CALN1: variants seen among roughly 807,000 people sequenced by gnomAD.
CALN1 encodes calcium-binding protein 8.
A neutral mutation model predicts 30.6 loss-of-function variants in CALN1; 17 were observed. That is an observed-to-expected ratio of 0.56 (90% CI 0.38 to 0.83). CALN1 has a LOEUF of 0.83. Among genes scored for constraint, CALN1 ranks in the 40% least tolerant of loss-of-function variants. The pLI, the probability that CALN1 is intolerant of heterozygous loss-of-function variation, is 0.00. For missense variants in CALN1, 291 were observed against 354.9 expected (o/e 0.82, Z 1.45); for synonymous variants, 156 against 131.4 (o/e 1.19, Z -1.28).
intron 1 of CALN1, among the ~76,000 whole-genome samples, chr7:72,410,959 T>C (rs1203734594): frequency 6.6e-6 from 1 of 152,126 alleles, no homozygotes; most frequent in African/African-American, 2.4e-5. Flanking sequence ...AGAAATAAAG[T>C]TATTTTAAGG....
chr7:72,443,407 T>C (rs921631213), intron 1 of CALN1, among the ~76,000 whole-genome samples: 1 of 152,170 alleles, frequency 6.6e-6, no homozygotes, highest in Non-Finnish European at 1.5e-5. Flanking sequence ...CAAAATGAAG[T>C]GCCCGCCTTT....
chr7:72,059,963 G>A (rs1803534304), intron 4 of CALN1, among the ~76,000 whole-genome samples: 1 of 101,414 alleles, frequency 9.9e-6, no homozygotes, highest in South Asian at 3.8e-4. Context: ...GTGATTTGGA[G>A]AAGACCTGAA....
intron 3 of CALN1, among the ~76,000 whole-genome samples, chr7:72,148,032 G>T (rs1275046112): frequency 2.0e-5 from 3 of 147,950 alleles, no homozygotes; most frequent in Admixed American, 6.8e-5. Flanking sequence ...CATGGCACAT[G>T]TATACATATG....
intron 5 of CALN1, among the ~76,000 whole-genome samples, chr7:71,861,754 G>C (rs1791290009): frequency 7.2e-6 from 1 of 139,858 alleles, no homozygotes; most frequent in African/African-American, 2.6e-5. Context: ...ACTCCAGCAT[G>C]GGTGAAAGAG....
At chr7:71,814,178 T>A (rs1284477094) in intron 5 of CALN1, among the ~76,000 whole-genome samples, 5 of 152,250 alleles carry the variant, frequency 3.3e-5, no homozygotes, top group Non-Finnish European at 7.4e-5. Flanking sequence ...TCCAACAGGG[T>A]TTCAGAACTG....
chr7:72,232,800 CAT>C (rs755167027), intron 3 of CALN1, among the ~76,000 whole-genome samples: 8 of 152,242 alleles, frequency 5.3e-5, no homozygotes, highest in Non-Finnish European at 1.0e-4. Context: ...GTTTAGGAAA[CAT>C]ATGATATATT....
chr7:72,352,214 T>C (rs892665276), intron 2 of CALN1, among the ~76,000 whole-genome samples: 7 of 151,110 alleles, frequency 4.6e-5, no homozygotes, highest in African/African-American at 7.3e-5. Flanking sequence ...TTTAAAGTTA[T>C]CCCAACTCTA....
intron 3 of CALN1, among the ~76,000 whole-genome samples, chr7:72,140,551 A>T (rs564821172): frequency 6.6e-6 from 1 of 152,350 alleles, no homozygotes; most frequent in East Asian, 1.9e-4. Context: ...TCAAAGGAAG[A>T]CAAGGGCAGA....
intron 3 of CALN1, among the ~76,000 whole-genome samples, chr7:72,248,302 A>G (rs1395419143): frequency 6.6e-6 from 1 of 152,086 alleles, no homozygotes; most frequent in Non-Finnish European, 1.5e-5. Flanking sequence ...TTTAGTAGCA[A>G]TGGGATTTCA....
At chr7:72,367,807 C>T (rs1803963302) in intron 2 of CALN1, among the ~76,000 whole-genome samples, 1 of 152,146 alleles carries the variant, frequency 6.6e-6, no homozygotes, top group Non-Finnish European at 1.5e-5. Flanking sequence ...TGCACTCCAG[C>T]CCAGGTGACA....
chr7:72,224,902 C>G (rs1793560129), intron 3 of CALN1, among the ~76,000 whole-genome samples: 3 of 151,782 alleles, frequency 2.0e-5, no homozygotes, highest in Non-Finnish European at 2.9e-5. Context: ...TCCTGGCTAA[C>G]ATGGTGAAAC....
intron 3 of CALN1, among the ~76,000 whole-genome samples, chr7:72,256,675 T>C (rs942000105): frequency 6.6e-6 from 1 of 151,980 alleles, no homozygotes; most frequent in Non-Finnish European, 1.5e-5. Flanking sequence ...GGCACCATCA[T>C]AGCTCACTGC....
chr7:72,191,621 A>G (rs1244677119), intron 3 of CALN1, among the ~76,000 whole-genome samples: 1 of 151,588 alleles, frequency 6.6e-6, no homozygotes, highest in African/African-American at 2.4e-5. Flanking sequence ...CAGAGAGAAC[A>G]TGGAATGGAG....
chr7:72,303,960 T>C (rs560220267), intron 2 of CALN1, among the ~76,000 whole-genome samples: 27 of 152,214 alleles, frequency 1.8e-4, no homozygotes, highest in Non-Finnish European at 3.1e-4. Flanking sequence ...ATAGTAATCA[T>C]ATTCACAAAA....
chr7:72,178,418 A>G (rs1285854524), intron 3 of CALN1, among the ~76,000 whole-genome samples: 3 of 152,156 alleles, frequency 2.0e-5, no homozygotes, highest in African/African-American at 7.2e-5. Flanking sequence ...TTGGGCCAGG[A>G]GCGGTGGCTC....
At chr7:72,045,689 T>A (rs569167685) in intron 4 of CALN1, among the ~76,000 whole-genome samples, 62 of 152,054 alleles carry the variant, frequency 4.1e-4, no homozygotes, top group Non-Finnish European at 7.5e-4. Context: ...ACACCATGCC[T>A]GATTCATTTT....
intron 5 of CALN1, among the ~76,000 whole-genome samples, chr7:71,846,920 G>GTA (rs1384626921): frequency 9.2e-5 from 13 of 141,776 alleles, no homozygotes; most frequent in African/African-American, 1.6e-4. Flanking sequence ...ATACATATAT[G>GTA]TATATTATAT....
At chr7:72,169,616 C>T (rs1006202121) in intron 3 of CALN1, among the ~76,000 whole-genome samples, 5 of 151,986 alleles carry the variant, frequency 3.3e-5, no homozygotes, top group Admixed American at 6.6e-5. Flanking sequence ...AGCCACCACG[C>T]AGCCTTGCTT....
chr7:72,355,741 T>C (rs1319424880), intron 2 of CALN1, among the ~76,000 whole-genome samples: 1 of 152,184 alleles, frequency 6.6e-6, no homozygotes, highest in Admixed American at 6.5e-5. Flanking sequence ...AAAAACAATC[T>C]GTAGTGACAG....
Sources: gnomAD v4.1 joint callset for allele counts (sites outside exome capture counted in the v4.1 genomes callset) on GRCh38, gnomAD v4.1.1 for gene constraint, MANE v1.5 for transcripts, NCBI Gene and HGNC (gene_info 2026-07-23, HGNC 2026-07-21) for gene names.